The following TNFSF4 variants were observed in gnomAD, a reference collection of about 807,000 sequenced individuals.
TNFSF4 encodes the protein tumor necrosis factor ligand superfamily member 4.
A neutral mutation model predicts 7.3 loss-of-function variants in TNFSF4; 4 were observed. That is an observed-to-expected ratio of 0.55 (90% CI 0.27 to 1.25). The LOEUF (loss-of-function observed/expected upper bound fraction) is 1.25, where lower values mean the gene tolerates loss of function less well. Ranked by LOEUF, TNFSF4 falls within the 50% of genes most tolerant of loss-of-function variation. The pLI, the probability that TNFSF4 is intolerant of heterozygous loss-of-function variation, is 0.12. For missense variants in TNFSF4, 181 were observed against 208.8 expected (o/e 0.87, Z 0.82); for synonymous variants, 76 against 83.7 (o/e 0.91, Z 0.50).
At chr1:173,336,308 A>G in the TNFSF4 span, among the ~76,000 whole-genome samples, 1 of 152,194 alleles carries the variant, frequency 6.6e-6, no homozygotes, top group African/African-American at 2.4e-5. Flanking sequence ...CAATTTGCCT[A>G]TTTTGGCTGT....
chr1:173,316,808 A>G, the TNFSF4 span, among the ~76,000 whole-genome samples: 1 of 152,318 alleles, frequency 6.6e-6, no homozygotes, highest in African/African-American at 2.4e-5. Flanking sequence ...CTTAAAATTA[A>G]CATGTAATTG....
the TNFSF4 span, among the ~76,000 whole-genome samples, chr1:173,375,432 A>G: frequency 6.6e-6 from 1 of 152,178 alleles, no homozygotes; most frequent in African/African-American, 2.4e-5. Context: ...TTGAGAGGTG[A>G]AGCCAGCTGG....
chr1:173,342,758 T>C, the TNFSF4 span, among the ~76,000 whole-genome samples: 5 of 150,000 alleles, frequency 3.3e-5, no homozygotes, highest in South Asian at 1.1e-3. Flanking sequence ...TATAATGTGA[T>C]GATAAACGGG....
chr1:173,223,774 A>G, the TNFSF4 span, among the ~76,000 whole-genome samples: 2 of 152,212 alleles, frequency 1.3e-5, no homozygotes, highest in African/African-American at 4.8e-5. Context: ...TCAAACGAGT[A>G]GGAAAGAAGG....
At chr1:173,369,701 AC>A in the TNFSF4 span, among the ~76,000 whole-genome samples, 1 of 152,126 alleles carries the variant, frequency 6.6e-6, no homozygotes, top group Non-Finnish European at 1.5e-5. Context: ...TTTCTGCAAT[AC>A]AACCTGGCCC....
chr1:173,247,234 A>G, the TNFSF4 span, among the ~76,000 whole-genome samples: 36,104 of 152,032 alleles, frequency 0.24, 4,828 homozygotes, highest in African/African-American at 0.36. Flanking sequence ...CACTGCAACT[A>G]GCACTGGATA....
At chr1:173,353,289 G>T in the TNFSF4 span, among the ~76,000 whole-genome samples, 1 of 152,200 alleles carries the variant, frequency 6.6e-6, no homozygotes. Flanking sequence ...TATGTTTAGA[G>T]ATTGCAGTAA....
the TNFSF4 span, among the ~76,000 whole-genome samples, chr1:173,449,225 T>C: frequency 2.6e-5 from 4 of 152,348 alleles, no homozygotes; most frequent in East Asian, 7.7e-4. Flanking sequence ...GTAAGCTTCC[T>C]GAGGCCTCTT....
the TNFSF4 span, among the ~76,000 whole-genome samples, chr1:173,361,616 T>G: frequency 6.6e-6 from 1 of 152,032 alleles, no homozygotes; most frequent in South Asian, 2.1e-4. Flanking sequence ...AAAGAATGCA[T>G]AGGTAACACT....
the TNFSF4 span, among the ~76,000 whole-genome samples, chr1:173,438,423 G>A: frequency 6.6e-6 from 1 of 152,090 alleles, no homozygotes; most frequent in Non-Finnish European, 1.5e-5. Context: ...AATTTGAGCT[G>A]ATTAAAAAGT....
At chr1:173,182,695 C>A (rs1050422110), downstream of TNFSF4, among the ~76,000 whole-genome samples, 1 of 152,144 alleles carries the variant, frequency 6.6e-6, no homozygotes, top group Non-Finnish European at 1.5e-5. Flanking sequence ...AAATGAGGCA[C>A]TGGAGTAGAA....
At chr1:173,259,555 A>G in the TNFSF4 span, among the ~76,000 whole-genome samples, 1 of 152,234 alleles carries the variant, frequency 6.6e-6, no homozygotes, top group Non-Finnish European at 1.5e-5. Flanking sequence ...ACTGAGCTAA[A>G]GGAGCATGTT....
the TNFSF4 span, among the ~76,000 whole-genome samples, chr1:173,267,877 AG>A: frequency 7.1e-6 from 1 of 140,350 alleles, no homozygotes; most frequent in South Asian, 2.3e-4. Flanking sequence ...AGATGAGAGG[AG>A]AGGAGAGGAG....
the TNFSF4 span, among the ~76,000 whole-genome samples, chr1:173,265,658 A>G: frequency 6.6e-6 from 1 of 151,830 alleles, no homozygotes; most frequent in Non-Finnish European, 1.5e-5. Context: ...TCACCCACAC[A>G]CTCTGTCTAT....
Position 173,186,674 on chromosome 1 carries a change from CCTT to C in TNFSF4, c.391_393del (p.Lys131del). On this transcript the variant is annotated inframe_deletion, in exon 3 of 3. Transcript: ENST00000281834. The stretch of plus-strand genomic sequence containing the variant: ...ACCATCAAGGAGTTGACAGACCTGA[CCTT>C]CTTCAGTTGGAAGAGGGGCTCCTCA... 1.2e-6 allele frequency: 2 copies of C among 1,614,136 alleles called. No homozygotes were observed. The highest frequency in any genetic ancestry group is 8.5e-7 in the Non-Finnish European group (1 of 1,180,010).
the TNFSF4 span, among the ~76,000 whole-genome samples, chr1:173,382,222 C>A: frequency 6.6e-6 from 1 of 152,098 alleles, no homozygotes; most frequent in Non-Finnish European, 1.5e-5. Context: ...CAACTCCAGA[C>A]GCACCACCTT....
chr1:173,328,140 A>G, the TNFSF4 span, among the ~76,000 whole-genome samples: 3 of 152,168 alleles, frequency 2.0e-5, no homozygotes, highest in Non-Finnish European at 4.4e-5. Flanking sequence ...TTAAGAAAAT[A>G]TGGCACATAT....
chr1:173,258,574 C>A, the TNFSF4 span, among the ~76,000 whole-genome samples: 3 of 152,170 alleles, frequency 2.0e-5, no homozygotes, highest in Non-Finnish European at 4.4e-5. Flanking sequence ...GGGTTGTGGC[C>A]TGCAGCAGCA....
the TNFSF4 span, among the ~76,000 whole-genome samples, chr1:173,352,514 A>C: frequency 6.6e-6 from 1 of 152,188 alleles, no homozygotes; most frequent in Non-Finnish European, 1.5e-5. Context: ...TGAGCTGTAA[A>C]ACCAGCACGT....
Sources: gnomAD v4.1 joint callset for allele counts (sites outside exome capture counted in the v4.1 genomes callset) on GRCh38, gnomAD v4.1.1 for gene constraint, MANE v1.5 for transcripts, NCBI Gene and HGNC (gene_info 2026-07-23, HGNC 2026-07-21) for gene names.